SUMF1: variants seen among roughly 807,000 people sequenced by gnomAD.
The protein encoded by SUMF1 is formylglycine-generating enzyme.
In SUMF1, 48 loss-of-function variants were observed where a neutral mutation model predicts 47.6. The observed-to-expected ratio is 1.01, with a 90% CI of 0.80 to 1.28. SUMF1 has a LOEUF of 1.28. Among genes scored for constraint, SUMF1 ranks in the 50% most tolerant of loss-of-function variants. SUMF1 has a pLI of 0.00. For missense variants in SUMF1, 571 were observed against 485.4 expected (o/e 1.18, Z -1.66); for synonymous variants, 230 against 192.1 (o/e 1.20, Z -1.63).
At chr3:4,354,980 G>A (rs574382803) in intron 8 of SUMF1, among the ~76,000 whole-genome samples, 1 of 152,164 alleles carries the variant, frequency 6.6e-6, no homozygotes, top group South Asian at 2.1e-4. Flanking sequence ...GCACAGTTAC[G>A]TATGTGGTGG....
At chr3:4,280,461 AT>A (rs546885448) in intron 8 of SUMF1, among the ~76,000 whole-genome samples, 2 of 151,864 alleles carry the variant, frequency 1.3e-5, no homozygotes, top group Non-Finnish European at 2.9e-5. Context: ...TTGACTTAAA[AT>A]TTTTTTTATA....
chr3:4,430,065 G>A (rs1414533453), intron 3 of SUMF1, among the ~76,000 whole-genome samples: 5 of 152,264 alleles, frequency 3.3e-5, no homozygotes, highest in Admixed American at 1.3e-4. Flanking sequence ...CCTGAAAAGC[G>A]GCAGATAGTG....
intron 8 of SUMF1, among the ~76,000 whole-genome samples, chr3:4,325,707 A>G (rs1246810251): frequency 3.3e-5 from 5 of 152,196 alleles, no homozygotes; most frequent in African/African-American, 1.2e-4. Context: ...TAAGGAAAGC[A>G]CAGTTTTAGT....
intron 8 of SUMF1, among the ~76,000 whole-genome samples, chr3:4,083,880 T>C (rs990384640): frequency 1.3e-5 from 2 of 151,786 alleles, no homozygotes; most frequent in African/African-American, 4.8e-5. Flanking sequence ...CTTTGTAGGA[T>C]TAAGGTGTTC....
intron 1 of SUMF1, among the ~76,000 whole-genome samples, chr3:4,456,717 C>CGTAT (rs1559312316): frequency 6.8e-5 from 6 of 87,934 alleles, no homozygotes; most frequent in Admixed American, 1.2e-4. Flanking sequence ...TATATATATA[C>CGTAT]ATATATATAC....
chr3:4,164,573 CTACCAGGTT>C (rs1363419570), intron 8 of SUMF1, among the ~76,000 whole-genome samples: 1 of 152,170 alleles, frequency 6.6e-6, no homozygotes, highest in Non-Finnish European at 1.5e-5. Flanking sequence ...ATAACAAGCC[CTACCAGGTT>C]ATTGGCCTGC....
intron 7 of SUMF1, among the ~76,000 whole-genome samples, chr3:4,397,038 G>A (rs1478985516): frequency 2.0e-5 from 3 of 152,216 alleles, no homozygotes. Context: ...GTGGTAGACT[G>A]CCAGATGGAA....
chr3:4,268,073 C>T (rs1697232195), intron 8 of SUMF1, among the ~76,000 whole-genome samples: 1 of 152,192 alleles, frequency 6.6e-6, no homozygotes, highest in Admixed American at 6.5e-5. Flanking sequence ...ATGATGAGTT[C>T]ATGTTCTTTG....
chr3:4,096,518 T>C (rs941389579), intron 8 of SUMF1, among the ~76,000 whole-genome samples: 2 of 152,144 alleles, frequency 1.3e-5, no homozygotes, highest in Non-Finnish European at 2.9e-5. Context: ...CATCAGCCTA[T>C]GGACTCAGAC....
intron 8 of SUMF1, among the ~76,000 whole-genome samples, chr3:4,325,608 TACACACAC>T (rs139250144): frequency 2.7e-5 from 4 of 149,280 alleles, no homozygotes; most frequent in Non-Finnish European, 4.5e-5. Context: ...TATATATGTG[TACACACAC>T]ACACACACAC....
chr3:4,329,103 C>A (rs1394731889), intron 8 of SUMF1, among the ~76,000 whole-genome samples: 3 of 152,212 alleles, frequency 2.0e-5, no homozygotes, highest in Non-Finnish European at 4.4e-5. Context: ...TGTGGCTTTG[C>A]AGGGTACAGC....
intron 8 of SUMF1, among the ~76,000 whole-genome samples, chr3:4,148,862 G>C (rs1330472952): frequency 6.6e-6 from 1 of 152,068 alleles, no homozygotes; most frequent in Non-Finnish European, 1.5e-5. Context: ...TTACACAAGG[G>C]TCATATCAAC....
At chr3:4,264,147 C>T (rs976791402) in intron 8 of SUMF1, among the ~76,000 whole-genome samples, 2 of 152,140 alleles carry the variant, frequency 1.3e-5, no homozygotes, top group Non-Finnish European at 2.9e-5. Flanking sequence ...AATCTGACTT[C>T]AGCAATCATC....
chr3:4,447,541 C>G (rs1041866776), intron 3 of SUMF1, among the ~76,000 whole-genome samples: 1 of 151,634 alleles, frequency 6.6e-6, no homozygotes, highest in African/African-American at 2.4e-5. Flanking sequence ...CCTCGTAGGC[C>G]AACTCACATC....
chr3:4,430,277 C>A (rs1340510153), intron 3 of SUMF1, among the ~76,000 whole-genome samples: 7 of 152,148 alleles, frequency 4.6e-5, no homozygotes, highest in Non-Finnish European at 8.8e-5. Context: ...TTTTTAATTG[C>A]AGGACTTCTG....
intron 8 of SUMF1, among the ~76,000 whole-genome samples, chr3:4,221,415 GT>G (rs1349640647): frequency 0.011 from 94 of 8,578 alleles, no homozygotes; most frequent in African/African-American, 0.06. Context: ...GTTTTTTGGG[GT>G]GTGTGTGTGT....
At chr3:4,168,887 C>T (rs1179840434) in intron 8 of SUMF1, among the ~76,000 whole-genome samples, 1 of 152,164 alleles carries the variant, frequency 6.6e-6, no homozygotes, top group Non-Finnish European at 1.5e-5. Flanking sequence ...TCCATCTAAA[C>T]TCTGGACATT....
intron 8 of SUMF1, among the ~76,000 whole-genome samples, chr3:4,251,035 C>T (rs116323835): frequency 1.3e-3 from 199 of 152,194 alleles, no homozygotes; most frequent in Non-Finnish European, 2.5e-3. Context: ...CTATAGCTGC[C>T]ATAGATAATG....
At chr3:4,071,487 A>G (rs1175797413) in intron 8 of SUMF1, among the ~76,000 whole-genome samples, 1 of 152,182 alleles carries the variant, frequency 6.6e-6, no homozygotes, top group Non-Finnish European at 1.5e-5. Flanking sequence ...GCAGACCAGG[A>G]GATTCCCTAT....
Sources: allele counts gnomAD v4.1 joint callset (sites outside exome capture counted in the v4.1 genomes callset), GRCh38; gene constraint gnomAD v4.1.1; transcripts MANE v1.5; gene names NCBI Gene and HGNC (gene_info 2026-07-23, HGNC 2026-07-21).